The following GABRG3 variants were observed in gnomAD, a reference collection of about 807,000 sequenced individuals.
GABRG3 encodes gamma-aminobutyric acid receptor subunit gamma-3.
In GABRG3, 25 loss-of-function variants were observed where a neutral mutation model predicts 48.8. The observed-to-expected ratio is 0.51, with a 90% CI of 0.37 to 0.72. The LOEUF is 0.72. Ranked by LOEUF, GABRG3 falls within the 30% of genes least tolerant of loss-of-function variation. GABRG3 has a pLI of 0.00. For synonymous variants in GABRG3, 227 were observed against 217.6 expected (o/e 1.04, Z -0.38); for missense variants, 394 against 577.9 (o/e 0.68, Z 3.26).
At chr15:27,048,893 G>A (rs143596379) in intron 3 of GABRG3, among the ~76,000 whole-genome samples, 144 of 152,336 alleles carry the variant, frequency 9.5e-4, no homozygotes, top group African/African-American at 3.2e-3. Context: ...GCAAATGGAT[G>A]GAAGTTGGAT....
intron 3 of GABRG3, among the ~76,000 whole-genome samples, chr15:27,228,322 T>C (rs1367734203): frequency 6.6e-6 from 1 of 152,248 alleles, no homozygotes; most frequent in African/African-American, 2.4e-5. Context: ...GGTATCTGGT[T>C]TTCTGTTCCT....
chr15:27,353,200 G>A (rs1894688822), intron 5 of GABRG3, among the ~76,000 whole-genome samples: 1 of 151,868 alleles, frequency 6.6e-6, no homozygotes, highest in South Asian at 2.1e-4. Context: ...CTGTGTTCCT[G>A]TAACCAATCT....
At chr15:27,183,140 A>G (rs1437855170) in intron 3 of GABRG3, among the ~76,000 whole-genome samples, 2 of 152,006 alleles carry the variant, frequency 1.3e-5, no homozygotes, top group Non-Finnish European at 2.9e-5. Flanking sequence ...TTCCCTATGA[A>G]CAGGCAGCGA....
At chr15:27,523,710 C>G (rs1025160123) in intron 7 of GABRG3, among the ~76,000 whole-genome samples, 1 of 151,550 alleles carries the variant, frequency 6.6e-6, no homozygotes, top group Non-Finnish European at 1.5e-5. Context: ...CTGAAAAATA[C>G]AATGCCAAAA....
intron 3 of GABRG3, among the ~76,000 whole-genome samples, chr15:27,191,262 G>T (rs6606884): frequency 0.63 from 96,087 of 151,806 alleles, 30,855 homozygotes; most frequent in East Asian, 0.88. Context: ...GAGCTGAGTT[G>T]AATTCCTGGG....
chr15:27,339,119 G>C (rs1894078418), intron 5 of GABRG3, among the ~76,000 whole-genome samples: 1 of 152,178 alleles, frequency 6.6e-6, no homozygotes, highest in Non-Finnish European at 1.5e-5. Context: ...CTCCTAGTTG[G>C]AGGAGTAAAT....
intron 3 of GABRG3, among the ~76,000 whole-genome samples, chr15:27,044,167 A>G (rs1473222236): frequency 4.6e-5 from 7 of 152,204 alleles, no homozygotes; most frequent in Admixed American, 2.0e-4. Flanking sequence ...GGAACAACAC[A>G]TCACTAGGCC....
chr15:27,336,445 TA>T (rs1360583373), intron 5 of GABRG3, among the ~76,000 whole-genome samples: 1 of 152,142 alleles, frequency 6.6e-6, no homozygotes, highest in Non-Finnish European at 1.5e-5. Flanking sequence ...CAGCTATTAT[TA>T]ATAGTAAATG....
chr15:27,452,643 C>T (rs1038220678), intron 5 of GABRG3, among the ~76,000 whole-genome samples: 1 of 152,174 alleles, frequency 6.6e-6, no homozygotes, highest in Non-Finnish European at 1.5e-5. Flanking sequence ...TCATAGAGGT[C>T]TTCATCCTCA....
chr15:27,471,238 G>C (rs1445244055), intron 5 of GABRG3, among the ~76,000 whole-genome samples: 1 of 152,174 alleles, frequency 6.6e-6, no homozygotes, highest in Non-Finnish European at 1.5e-5. Flanking sequence ...TTTGCTTCTA[G>C]GTGTGGGCAC....
At chr15:27,431,189 C>A (rs963884400) in intron 5 of GABRG3, among the ~76,000 whole-genome samples, 2 of 151,686 alleles carry the variant, frequency 1.3e-5, no homozygotes, top group African/African-American at 4.8e-5. Flanking sequence ...TGTTATTTTT[C>A]TTTTTCAAGA....
intron 3 of GABRG3, among the ~76,000 whole-genome samples, chr15:27,169,535 G>A (rs1182762528): frequency 2.0e-5 from 3 of 152,164 alleles, no homozygotes; most frequent in South Asian, 2.1e-4. Flanking sequence ...AGGGGAGGCC[G>A]TGGTGATGGG....
intron 5 of GABRG3, among the ~76,000 whole-genome samples, chr15:27,381,397 G>C (rs979696214): frequency 6.6e-6 from 1 of 152,198 alleles, no homozygotes; most frequent in African/African-American, 2.4e-5. Flanking sequence ...TATAGAGCTC[G>C]TGGAAGTAAA....
At chr15:27,140,525 A>G (rs1164037082) in intron 3 of GABRG3, among the ~76,000 whole-genome samples, 1 of 152,116 alleles carries the variant, frequency 6.6e-6, no homozygotes, top group Non-Finnish European at 1.5e-5. Flanking sequence ...CCTTTTTAGA[A>G]CTGACATGAA....
At chr15:27,096,578 G>A (rs1416862730) in intron 3 of GABRG3, among the ~76,000 whole-genome samples, 1 of 152,196 alleles carries the variant, frequency 6.6e-6, no homozygotes, top group African/African-American at 2.4e-5. Context: ...CAGTAGCTCT[G>A]TGTATACATT....
intron 3 of GABRG3, among the ~76,000 whole-genome samples, chr15:27,243,732 C>T (rs1357627552): frequency 3.3e-5 from 5 of 152,032 alleles, no homozygotes; most frequent in Non-Finnish European, 5.9e-5. Flanking sequence ...TTGTTAATAC[C>T]AATTCAACAT....
chr15:27,522,874 T>A (rs1183878254), intron 7 of GABRG3, among the ~76,000 whole-genome samples: 1 of 151,892 alleles, frequency 6.6e-6, no homozygotes, highest in Non-Finnish European at 1.5e-5. Context: ...AATATACTTC[T>A]ATCAGCAGTG....
intron 5 of GABRG3, among the ~76,000 whole-genome samples, chr15:27,354,415 AATGGAAT>A (rs776970684): frequency 2.6e-5 from 4 of 152,184 alleles, no homozygotes; most frequent in Non-Finnish European, 5.9e-5. Context: ...GACTATGCTT[AATGGAAT>A]ATGACTTGAC....
At chr15:27,108,094 C>T (rs186608263) in intron 3 of GABRG3, among the ~76,000 whole-genome samples, 24 of 151,776 alleles carry the variant, frequency 1.6e-4, no homozygotes, top group Admixed American at 8.5e-4. Flanking sequence ...CACCTCCTTT[C>T]ATCTGTTTGT....
Sources: allele counts gnomAD v4.1 joint callset (sites outside exome capture counted in the v4.1 genomes callset), GRCh38; gene constraint gnomAD v4.1.1; transcripts MANE v1.5; gene names NCBI Gene and HGNC (gene_info 2026-07-23, HGNC 2026-07-21).